Variants in ATP2B2 observed in about 807,000 individuals in gnomAD.
The protein encoded by ATP2B2 is plasma membrane calcium-transporting ATPase 2.
A neutral mutation model predicts 120.0 loss-of-function variants in ATP2B2; 15 were observed. That is an observed-to-expected ratio of 0.12 (90% CI 0.08 to 0.19). The LOEUF is 0.19. Ranked by LOEUF, ATP2B2 falls within the 10% of genes least tolerant of loss-of-function variation. The pLI is 1.00. For missense variants in ATP2B2, 1,045 were observed against 1,719.8 expected, an observed-to-expected ratio of 0.61 and a Z score of 6.94; for synonymous variants, 694 against 700.3, an observed-to-expected ratio of 0.99 and a Z score of 0.14.
intron 1 of ATP2B2, among the ~76,000 whole-genome samples, chr3:10,498,559 C>T (rs1036482016): frequency 6.6e-6 from 1 of 152,230 alleles, no homozygotes; most frequent in African/African-American, 2.4e-5. Context: ...CAGAGCTGGG[C>T]TAGAATGAGT....
At chr3:10,655,893 T>C (rs1421750821) in intron 1 of ATP2B2, among the ~76,000 whole-genome samples, 2 of 152,236 alleles carry the variant, frequency 1.3e-5, no homozygotes, top group South Asian at 2.1e-4. Flanking sequence ...TCTTCATCGA[T>C]GCTTTATTTA....
At chr3:10,512,464 G>GCGCGCGCACGCGCACACA (rs749056818) in intron 3 of ATP2B2, among the ~76,000 whole-genome samples, 1 of 136,926 alleles carries the variant, frequency 7.3e-6, no homozygotes, top group African/African-American at 2.9e-5. Context: ...AAGTGTGTGC[G>GCGCGCGCACGCGCACACA]CACACACACA....
chr3:10,628,993 C>A (rs370244006), intron 1 of ATP2B2, among the ~76,000 whole-genome samples: 153 of 152,300 alleles, frequency 1.0e-3, no homozygotes, highest in African/African-American at 3.5e-3. Flanking sequence ...TAACGTTGGG[C>A]TCCCGGCCAA....
intron 2 of ATP2B2, among the ~76,000 whole-genome samples, chr3:10,427,067 G>T (rs928619302): frequency 3.3e-5 from 5 of 152,192 alleles, no homozygotes; most frequent in Non-Finnish European, 7.3e-5. Flanking sequence ...GGTTTAGGGA[G>T]GTTAGGGAAC....
At chr3:10,480,311 G>A (rs1290006206) in intron 1 of ATP2B2, among the ~76,000 whole-genome samples, 1 of 152,178 alleles carries the variant, frequency 6.6e-6, no homozygotes, top group Non-Finnish European at 1.5e-5. Flanking sequence ...TAGAAAAGAT[G>A]ATGCATATGA....
intron 14 of ATP2B2, among the ~76,000 whole-genome samples, chr3:10,354,490 A>G (rs1467090094): frequency 6.6e-6 from 1 of 152,206 alleles, no homozygotes; most frequent in Non-Finnish European, 1.5e-5. Flanking sequence ...GCTTTTAAAC[A>G]TCTGTTGTTT....
intron 12 of ATP2B2, among the ~76,000 whole-genome samples, chr3:10,367,735 C>T (rs1269900257): frequency 6.6e-6 from 1 of 152,144 alleles, no homozygotes; most frequent in Non-Finnish European, 1.5e-5. Context: ...CTCGGGTACT[C>T]TCGGCATGTG....
At position 10,327,117 on chromosome 3, in the gene ATP2B2, T is replaced by C. The variant is rs1237179201; in HGVS notation, c.*1697A>G. Reference sequence around the variant, plus strand: ...GCAAACTTTGTATTAAATACAAAAGTTCTTTTATGAAAAACGCTGAGACCC... The same window carrying C: ...GCAAACTTTGTATTAAATACAAAAGCTCTTTTATGAAAAACGCTGAGACCC... On this transcript the variant is annotated 3_prime_UTR_variant, in exon 23 of 23. Coordinates refer to ENST00000360273, the MANE Select transcript of ATP2B2 (RefSeq NM_001001331.4). 1.5e-5 allele frequency: 5 copies of C among 335,002 alleles called. No individual in the cohort carries two copies. Among genetic ancestry groups the C allele is most frequent in the Non-Finnish European group, 2.7e-5 (5 of 186,876 alleles). 20.8% of individuals were successfully genotyped at this position (335,002 alleles called of 1,614,324 possible). A position where few individuals can be genotyped will look rare whatever the true frequency, so the allele number is the denominator to read the frequency against.
rs148220241 is a variant in ATP2B2, at chr3:10,502,847, C to T, written c.-320+2618G>A. ...ACCCCAATTTGAACTGGCCTCATGC[C>T]GAAGGGTCAAAGAGGGTAGTTGGGC... On this transcript the variant is annotated intron_variant, in intron 1 of 22. Coordinates refer to ENST00000360273, the MANE Select transcript of ATP2B2 (RefSeq NM_001001331.4). Among the ~76,000 whole-genome samples, 608 of 152,304 alleles carry T rather than the reference C, an allele frequency of 4.0e-3. 1 individual carries two copies. The highest frequency in any genetic ancestry group is 6.1e-3 in the Admixed American group (94 of 15,294).
chr3:10,429,307 A>AT (rs1163718120), intron 2 of ATP2B2, among the ~76,000 whole-genome samples: 1 of 152,138 alleles, frequency 6.6e-6, no homozygotes, highest in Non-Finnish European at 1.5e-5. Flanking sequence ...CAGATAGTGC[A>AT]TTTTTTCACA....
intron 1 of ATP2B2, among the ~76,000 whole-genome samples, chr3:10,695,235 C>A (rs2071724029): frequency 9.4e-6 from 1 of 106,236 alleles, no homozygotes; most frequent in Admixed American, 8.9e-5. Flanking sequence ...TGGTAGCAGG[C>A]AAAGGAGGGA....
At chr3:10,420,759 G>T (rs865778584) in intron 2 of ATP2B2, among the ~76,000 whole-genome samples, 3 of 152,244 alleles carry the variant, frequency 2.0e-5, no homozygotes, top group Admixed American at 2.0e-4. Flanking sequence ...ACATGGGAAG[G>T]CCTTGACTAA....
intron 1 of ATP2B2, among the ~76,000 whole-genome samples, chr3:10,669,907 A>C (rs1266684155): frequency 6.6e-6 from 1 of 152,218 alleles, no homozygotes; most frequent in Non-Finnish European, 1.5e-5. Context: ...GTAAAAGCCA[A>C]AGTTAATCCC....
intron 5 of ATP2B2, among the ~76,000 whole-genome samples, chr3:10,398,465 C>A (rs2062115056): frequency 6.6e-6 from 1 of 152,238 alleles, no homozygotes; most frequent in African/African-American, 2.4e-5. Flanking sequence ...TCAGTGCTCA[C>A]AGGCCACCAT....
chr3:10,473,434 C>T (rs2065087678), intron 1 of ATP2B2, among the ~76,000 whole-genome samples: 1 of 152,260 alleles, frequency 6.6e-6, no homozygotes, highest in African/African-American at 2.4e-5. Flanking sequence ...GAGTTTGAGA[C>T]CAGCCTGGCC....
At chr3:10,456,046 CCT>C (rs2064246846) in intron 1 of ATP2B2, among the ~76,000 whole-genome samples, 1 of 151,922 alleles carries the variant, frequency 6.6e-6, no homozygotes, top group Admixed American at 6.6e-5. Flanking sequence ...GTTAGGGGTG[CCT>C]TAATAAAAAG....
At position 10,342,744 on chromosome 3, in the gene ATP2B2, G is replaced by T; in HGVS notation, c.2917+8C>A. On this transcript the variant is annotated splice_region_variant and intron_variant, in intron 19 of 22. Coordinates refer to ENST00000360273, the MANE Select transcript of ATP2B2 (RefSeq NM_001001331.4). This position sits in a 1 kb window ranked among gnomAD's most constrained non-coding sequence, Gnocchi z 4.4. ...CCTGGGAGAGGCGTGGGTGGGCGAG[G>T]CGCTCACCAACAAAGAGCAGGGTGA... The T allele has an allele frequency of 1.2e-6, 2 of 1,613,802 alleles. No individual in the cohort carries two copies. Among genetic ancestry groups the T allele is most frequent in the Non-Finnish European group, 1.7e-6 (2 of 1,179,862 alleles).
At chr3:10,576,817 C>A (rs2068259565) in intron 2 of ATP2B2, among the ~76,000 whole-genome samples, 1 of 152,094 alleles carries the variant, frequency 6.6e-6, no homozygotes, top group African/African-American at 2.4e-5. Flanking sequence ...GTAATCCCAG[C>A]ACTTTGGGAG....
intron 2 of ATP2B2, among the ~76,000 whole-genome samples, chr3:10,593,676 T>A (rs532352626): frequency 2.0e-5 from 3 of 152,150 alleles, no homozygotes; most frequent in Non-Finnish European, 2.9e-5. Flanking sequence ...TGTCTAAAAC[T>A]CCAAAAGCAA....
Sources: allele counts gnomAD v4.1 joint callset (sites outside exome capture counted in the v4.1 genomes callset), GRCh38; gene constraint gnomAD v4.1.1; non-coding constraint Gnocchi (gnomAD v3.1); transcripts MANE v1.5; gene names NCBI Gene and HGNC (gene_info 2026-07-23, HGNC 2026-07-21).